The following NLGN1 variants were observed in gnomAD, a reference collection of about 807,000 sequenced individuals.
NLGN1 encodes the protein neuroligin-1.
Under a neutral mutation model 65.5 loss-of-function variants are expected in NLGN1, and 12 were observed. That is an observed-to-expected ratio of 0.18 (90% CI 0.12 to 0.30). The LOEUF is 0.30. Ranked by LOEUF, NLGN1 falls within the 10% of genes least tolerant of loss-of-function variation. The pLI, the probability that NLGN1 is intolerant of heterozygous loss-of-function variation, is 1.00. For missense variants in NLGN1, 750 were observed against 1,007.1 expected (o/e 0.74, Z 3.46); for synonymous variants, 350 against 359.5 (o/e 0.97, Z 0.30).
At chr3:173,628,478 G>A (rs1755149693) in intron 3 of NLGN1, among the ~76,000 whole-genome samples, 2 of 152,058 alleles carry the variant, frequency 1.3e-5, no homozygotes, top group Non-Finnish European at 2.9e-5. Context: ...CACATAAAAA[G>A]AGAAGTTAGA....
Position 173,618,569 on chromosome 3 carries a change from C to T in NLGN1, c.493+13478C>T, listed in dbSNP as rs546538184. 7.2e-5 allele frequency among the ~76,000 whole-genome samples: 11 copies of T among 152,158 alleles called. No homozygotes were observed. The East Asian group carries it at 7.7e-4, about 11-fold the overall frequency. ...AAATCACTTTATAAAATGAAGGAAA[C>T]GAGAGAGTGAGACTATATTATATAT... On this transcript the variant is annotated intron_variant, in intron 3 of 6. Coordinates refer to ENST00000457714, the Ensembl canonical transcript of NLGN1.
chr3:173,507,436 G>A (rs941154710), intron 2 of NLGN1, among the ~76,000 whole-genome samples: 2 of 151,960 alleles, frequency 1.3e-5, no homozygotes, highest in Admixed American at 6.6e-5. Context: ...CATTTCTCAT[G>A]GTCATTACTA....
At position 173,513,195 on chromosome 3, in the gene NLGN1, A is replaced by G. The variant is rs548861885; in HGVS notation, c.-321+78117A>G. On this transcript the variant is annotated intron_variant, in intron 2 of 6. Coordinates refer to ENST00000457714, the Ensembl canonical transcript of NLGN1. ...ATGTTCTGATGTATTTGAAATGGCT[A>G]CAATTCCCCTCCCTCTACTGAAAAT... Among the ~76,000 whole-genome samples, 29 of 150,872 alleles carry G rather than the reference A, an allele frequency of 1.9e-4. 1 individual carries two copies. The South Asian group carries it at 6.2e-3, about 32-fold the overall frequency.
At chr3:173,537,162 G>A (rs1054803286) in intron 2 of NLGN1, among the ~76,000 whole-genome samples, 1 of 152,092 alleles carries the variant, frequency 6.6e-6, no homozygotes, top group Non-Finnish European at 1.5e-5. Flanking sequence ...AAGAATGTCT[G>A]GGCACCTCAT....
In NLGN1 at chr3:173,725,120, A is replaced by C. The variant is rs150330329; in HGVS notation, c.494-82560A>C. On this transcript the variant is annotated intron_variant, in intron 3 of 6. Transcript: ENST00000457714. ...TGCAGCACACCAACACGGCACATGG[A>C]TACATATGTAACAAACCTGTACATT... Among the ~76,000 whole-genome samples, 242 of 152,280 alleles carry C rather than the reference A, an allele frequency of 1.6e-3. 2 individuals carry two copies. The highest frequency in any genetic ancestry group is 5.6e-3 in the African/African-American group (234 of 41,552).
chr3:173,866,308 C>T (rs1315300490), intron 4 of NLGN1, among the ~76,000 whole-genome samples: 2 of 152,178 alleles, frequency 1.3e-5, no homozygotes, highest in Admixed American at 6.5e-5. Flanking sequence ...GTTGAGATTG[C>T]GTCATTGCAT....
chr3:174,078,477 G>A (rs1294441368), intron 4 of NLGN1, among the ~76,000 whole-genome samples: 1 of 152,006 alleles, frequency 6.6e-6, no homozygotes, highest in East Asian at 1.9e-4. Flanking sequence ...TCTTAATTTT[G>A]TTTTCCTATT....
At chr3:174,293,766 G>A in the NLGN1 span, among the ~76,000 whole-genome samples, 1 of 151,584 alleles carries the variant, frequency 6.6e-6, no homozygotes, top group Non-Finnish European at 1.5e-5. Flanking sequence ...CTGGGGAGTT[G>A]TAGAAAGAAT....
intron 3 of NLGN1, among the ~76,000 whole-genome samples, chr3:173,636,688 G>A (rs1756649649): frequency 6.6e-6 from 1 of 151,966 alleles, no homozygotes; most frequent in Non-Finnish European, 1.5e-5. Context: ...GGGACTACCT[G>A]GGAAATAGTT....
chr3:174,293,688 AG>A, the NLGN1 span, among the ~76,000 whole-genome samples: 1 of 151,678 alleles, frequency 6.6e-6, no homozygotes, highest in African/African-American at 2.4e-5. Flanking sequence ...GCATAGATTC[AG>A]GGGTGAGAGG....
Position 174,280,705 on chromosome 3 carries a change from C to A in NLGN1, c.1874C>A (p.Thr625Lys). Residue 625 changes from threonine to lysine, a missense_variant, in exon 7 of 7, where the codon ACA (threonine) becomes AAA (lysine). By Grantham distance (78) the Thr-to-Lys change is moderately conservative. Coordinates refer to ENST00000457714, the Ensembl canonical transcript of NLGN1. The surrounding 1 kb of genome is among the most constrained non-coding windows in gnomAD (Gnocchi z 4.9). ...AATGACATTTCTCAGTATACCTCTA[C>A]AACAACTAAAGTGCCATCAACTGAC... 1 of 1,613,344 alleles carries A rather than the reference C, an allele frequency of 6.2e-7. No individual in the cohort carries two copies.
At chr3:173,815,285 T>G (rs879813728) in intron 4 of NLGN1, among the ~76,000 whole-genome samples, 1 of 152,034 alleles carries the variant, frequency 6.6e-6, no homozygotes, top group African/African-American at 2.4e-5. Context: ...TTTTTTGTAT[T>G]TTTAGTAGAG....
At chr3:173,724,951 A>G (rs1260173706) in intron 3 of NLGN1, among the ~76,000 whole-genome samples, 1 of 151,802 alleles carries the variant, frequency 6.6e-6, no homozygotes, top group Non-Finnish European at 1.5e-5. Flanking sequence ...CAAACACTGC[A>G]TGTTCTCACT....
intron 2 of NLGN1, among the ~76,000 whole-genome samples, chr3:173,497,154 C>T (rs567646378): frequency 9.2e-5 from 14 of 151,900 alleles, no homozygotes; most frequent in South Asian, 4.1e-4. Context: ...GAGGCCAAGG[C>T]GGGCAGATCA....
intron 3 of NLGN1, among the ~76,000 whole-genome samples, chr3:173,773,590 C>T (rs1185420021): frequency 1.3e-5 from 2 of 152,068 alleles, no homozygotes. Context: ...GGGCAGATAA[C>T]TGTTGTTAAT....
intron 4 of NLGN1, among the ~76,000 whole-genome samples, chr3:173,909,346 A>G (rs554428688): frequency 1.1e-4 from 17 of 152,274 alleles, no homozygotes; most frequent in African/African-American, 3.6e-4. Context: ...CCTACACTGC[A>G]GATCATTCTT....
rs1219638030 is a variant in NLGN1 at position 173,957,918 on chromosome 3, C to T, written c.646+150086C>T. Among the ~76,000 whole-genome samples, 4 of 152,318 alleles carry T rather than the reference C, an allele frequency of 2.6e-5. 1 individual carries two copies. In the East Asian group the frequency reaches 7.7e-4, roughly 29 times the overall value. ...CTGCCAAGATGAGTTAAGTGTGGAACAGCAAGGGGTGTGTGAGTGAGTGAG... is the reference window on the plus strand; with the variant it reads ...CTGCCAAGATGAGTTAAGTGTGGAATAGCAAGGGGTGTGTGAGTGAGTGAG... On this transcript the variant is annotated intron_variant, in intron 4 of 6. Coordinates refer to ENST00000457714, the Ensembl canonical transcript of NLGN1.
chr3:173,739,594 G>A (rs1774315348), intron 3 of NLGN1, among the ~76,000 whole-genome samples: 1 of 151,946 alleles, frequency 6.6e-6, no homozygotes, highest in African/African-American at 2.4e-5. Flanking sequence ...TACTTCTGAT[G>A]TAAAAGACCT....
At chr3:173,507,083 C>A (rs766070944) in intron 2 of NLGN1, among the ~76,000 whole-genome samples, 1 of 152,164 alleles carries the variant, frequency 6.6e-6, no homozygotes, top group Non-Finnish European at 1.5e-5. Flanking sequence ...AGTTGGGTCA[C>A]TGAACACTTG....
Sources: gnomAD v4.1 joint callset for allele counts (sites outside exome capture counted in the v4.1 genomes callset) on GRCh38, gnomAD v4.1.1 for gene constraint, Gnocchi (gnomAD v3.1) non-coding constraint, MANE v1.5 for transcripts, NCBI Gene and HGNC (gene_info 2026-07-23, HGNC 2026-07-21) for gene names.